Variants in GTF3C1 observed in about 807,000 individuals in gnomAD.
GTF3C1 encodes the protein general transcription factor IIIC subunit 1.
A neutral mutation model predicts 226.7 loss-of-function variants in GTF3C1; 57 were observed. The ratio of observed to expected loss-of-function variants is 0.25; its 90% CI spans 0.20 to 0.31. The LOEUF is 0.31. Among genes scored for constraint, GTF3C1 ranks in the 10% least tolerant of loss-of-function variants. The pLI, the probability that GTF3C1 is intolerant of heterozygous loss-of-function variation, is 1.00. For missense variants in GTF3C1, 2,217 were observed against 2,776.1 expected, an observed-to-expected ratio of 0.80 and a Z score of 4.53; for synonymous variants, 1,090 against 1,084.8, an observed-to-expected ratio of 1.00 and a Z score of -0.09.
intron 14 of GTF3C1, among the ~76,000 whole-genome samples, chr16:27,496,511 C>T (rs2088319231): frequency 6.6e-6 from 1 of 152,196 alleles, no homozygotes; most frequent in South Asian, 2.1e-4. Context: ...CTCCCTGGTT[C>T]AAGCAATTCT....
intron 2 of GTF3C1, among the ~76,000 whole-genome samples, chr16:27,538,579 A>G (rs1048238252): frequency 6.6e-6 from 1 of 152,214 alleles, no homozygotes; most frequent in Non-Finnish European, 1.5e-5. Context: ...GAACAGAGCC[A>G]ATCTTATTTC....
At chr16:27,519,162 CAGA>C (rs1358375717) in intron 6 of GTF3C1, among the ~76,000 whole-genome samples, 4 of 151,806 alleles carry the variant, frequency 2.6e-5, no homozygotes, top group East Asian at 1.9e-4. Context: ...TCTGATAAGG[CAGA>C]AGAAGACAGG....
At chr16:27,518,496 T>G (rs889946960) in intron 6 of GTF3C1, among the ~76,000 whole-genome samples, 7 of 152,258 alleles carry the variant, frequency 4.6e-5, no homozygotes, top group Non-Finnish European at 7.3e-5. Context: ...GCTCTGTAGA[T>G]GTTTGCTACT....
At chr16:27,468,843 C>T (rs1289064031) in intron 32 of GTF3C1, among the ~76,000 whole-genome samples, 3 of 152,164 alleles carry the variant, frequency 2.0e-5, no homozygotes, top group Admixed American at 1.3e-4. Flanking sequence ...TGAATGTGAG[C>T]GGAATACTTA....
intron 32 of GTF3C1, 144 bp from the exon 33 acceptor site, chr16:27,465,684 A>C: frequency 1.5e-6 from 1 of 656,334 alleles, no homozygotes; most frequent in Non-Finnish European, 2.6e-6. Context: ...TGCTGGGTGG[A>C]CACACTGGGC....
In GTF3C1 at chr16:27,505,896, G is replaced by A; in HGVS notation, c.1770+3C>T. 6.4e-7 allele frequency: 1 copy of A among 1,552,244 alleles called. No homozygotes were observed. Among genetic ancestry groups the A allele is most frequent in the Non-Finnish European group, 8.9e-7 (1 of 1,123,598 alleles). On this transcript the variant is annotated splice_donor_region_variant and intron_variant, in intron 10 of 36. Transcript: ENST00000356183. ...ACAGCTCCCTCCCTCTGCATGCACT[G>A]ACCTTTGGGTTTTCCATCCGGACCT...
rs150782081 is a variant in GTF3C1 at position 27,540,921 on chromosome 16, A to T, written c.432-2565T>A. On this transcript the variant is annotated intron_variant, in intron 2 of 36. Transcript: ENST00000356183. The stretch of plus-strand genomic sequence containing the variant: ...AGTGACGCGATCTCAGCTCACTGCA[A>T]CCTCTGCCTCTGGAGCTCAAGTGAT... Among the ~76,000 whole-genome samples, 1,215 of 152,072 alleles carry T rather than the reference A, an allele frequency of 8.0e-3. 17 individuals are homozygous for T. Among genetic ancestry groups the T allele is most frequent in the African/African-American group, 0.028 (1,158 of 41,498 alleles).
At chr16:27,499,618 G>A (rs1033885631) in intron 12 of GTF3C1, among the ~76,000 whole-genome samples, 1 of 152,140 alleles carries the variant, frequency 6.6e-6, no homozygotes, top group East Asian at 1.9e-4. Context: ...CATTTTCTCC[G>A]AATCCTCATT....
At chr16:27,485,782 G>A (rs972803563) in intron 24 of GTF3C1, among the ~76,000 whole-genome samples, 1 of 152,256 alleles carries the variant, frequency 6.6e-6, no homozygotes, top group Admixed American at 6.5e-5. Flanking sequence ...GATGCAGTGA[G>A]CTGTGATCGT....
intron 2 of GTF3C1, among the ~76,000 whole-genome samples, chr16:27,544,828 T>G (rs931222362): frequency 1.3e-5 from 2 of 152,184 alleles, no homozygotes; most frequent in African/African-American, 4.8e-5. Context: ...GCAGGACCCG[T>G]GACCCCAGTG....
rs370015559 is a variant in GTF3C1 at position 27,484,368 on chromosome 16, G to T, written c.3859-15C>A. 1.3e-6 allele frequency: 2 copies of T among 1,590,980 alleles called. No homozygotes were observed. The highest frequency in any genetic ancestry group is 1.3e-5 in the African/African-American group (1 of 74,500). ...GGGCCCTTCACCTGGATCAAACACA[G>T]AGCCAAGACAAAAAGTCAGTATCCT... On this transcript the variant is annotated splice_polypyrimidine_tract_variant and intron_variant, in intron 24 of 36. Coordinates refer to ENST00000356183, the MANE Select transcript of GTF3C1 (RefSeq NM_001520.4).
chr16:27,541,943 G>A (rs59331416), intron 2 of GTF3C1, among the ~76,000 whole-genome samples: 1,540 of 152,256 alleles, frequency 0.01, 24 homozygotes, highest in African/African-American at 0.035. Context: ...GTAAAAAATT[G>A]GTCTCAGTGC....
At chr16:27,546,078 C>G (rs1382654116) in intron 1 of GTF3C1, among the ~76,000 whole-genome samples, 1 of 152,148 alleles carries the variant, frequency 6.6e-6, no homozygotes, top group Non-Finnish European at 1.5e-5. Context: ...GAACTCCTGA[C>G]CTCGGTGATC....
intron 6 of GTF3C1, among the ~76,000 whole-genome samples, chr16:27,526,084 G>T (rs2088829543): frequency 6.6e-6 from 1 of 152,168 alleles, no homozygotes; most frequent in Non-Finnish European, 1.5e-5. Context: ...GCTTGCAGGG[G>T]CTATTTTGTT....
At chr16:27,511,431 A>G (rs973523466) in intron 7 of GTF3C1, among the ~76,000 whole-genome samples, 16 of 152,186 alleles carry the variant, frequency 1.1e-4, no homozygotes, top group Non-Finnish European at 2.4e-4. Flanking sequence ...GCATGAGCCA[A>G]TTACCTTAAT....
Position 27,507,107 on chromosome 16 carries a change from C to T in GTF3C1, c.1292G>A (p.Cys431Tyr), listed in dbSNP as rs1174905610. ...GRQRTTKYIS[C>Y]VFAEESDLSR... ...TAGGTCGCTCTCCTCTGCAAACACGCAGGAAATGTACTTGGTGGTTCGCTG... is the reference window on the plus strand; with the variant it reads ...TAGGTCGCTCTCCTCTGCAAACACGTAGGAAATGTACTTGGTGGTTCGCTG... The change falls in exon 9 of 37, where the codon TGC (cysteine) becomes TAC (tyrosine). Residue 431 changes from cysteine to tyrosine, a missense_variant. Transcript: ENST00000356183. The surrounding 1 kb of genome is among the most constrained non-coding windows in gnomAD (Gnocchi z 4.9). 2 of 1,613,412 alleles carry T rather than the reference C, an allele frequency of 1.2e-6. No homozygotes were observed. Among genetic ancestry groups the T allele is most frequent in the Non-Finnish European group, 1.7e-6 (2 of 1,179,870 alleles).
chr16:27,462,863 G>C lies in GTF3C1; in HGVS notation c.5925-377C>G. ...CACGGGAGCGTGACCCTGAAGCTCT[G>C]CTCCACGCCATGTGCAGAGTTCCAG... On this transcript the variant is annotated intron_variant, in intron 35 of 36. Transcript: ENST00000356183. This position sits in a 1 kb window ranked among gnomAD's most constrained non-coding sequence, Gnocchi z 4.5. 1 of 241,500 alleles carries C rather than the reference G, an allele frequency of 4.1e-6. No individual in the cohort carries two copies. Among genetic ancestry groups the C allele is most frequent in the Admixed American group, 4.8e-5 (1 of 20,684 alleles). 15.0% of individuals were successfully genotyped at this position (241,500 alleles called of 1,614,324 possible).
At chr16:27,489,427 A>G (rs1024260080) in intron 20 of GTF3C1, among the ~76,000 whole-genome samples, 175 bp downstream of exon 20, 1 of 152,278 alleles carries the variant, frequency 6.6e-6, no homozygotes, top group Non-Finnish European at 1.5e-5. Flanking sequence ...TTACATTTTT[A>G]AAAACAAGAT....
intron 6 of GTF3C1, among the ~76,000 whole-genome samples, chr16:27,521,634 C>T (rs2088751967): frequency 6.6e-6 from 1 of 152,250 alleles, no homozygotes; most frequent in African/African-American, 2.4e-5. Flanking sequence ...CCCACAAATT[C>T]ACACCTTTGG....
Sources: allele counts gnomAD v4.1 joint callset (sites outside exome capture counted in the v4.1 genomes callset), GRCh38; gene constraint gnomAD v4.1.1; non-coding constraint Gnocchi (gnomAD v3.1); transcripts MANE v1.5; gene names NCBI Gene and HGNC (gene_info 2026-07-23, HGNC 2026-07-21).